AGBL4: variants seen among roughly 807,000 people sequenced by gnomAD.
AGBL4 encodes AGBL carboxypeptidase 4.
A neutral mutation model predicts 66.4 loss-of-function variants in AGBL4; 58 were observed. The ratio of observed to expected loss-of-function variants is 0.87; its 90% CI spans 0.71 to 1.09. The LOEUF (loss-of-function observed/expected upper bound fraction) is 1.09. AGBL4 is among the 50% of genes least tolerant of loss of function. AGBL4 has a pLI of 0.00. For synonymous variants in AGBL4, 234 were observed against 222.9 expected, an observed-to-expected ratio of 1.05 and a Z score of -0.44; for missense variants, 579 against 631.0, an observed-to-expected ratio of 0.92 and a Z score of 0.88.
At chr1:49,547,628 T>C (rs1652599668) in intron 3 of AGBL4, among the ~76,000 whole-genome samples, 1 of 152,218 alleles carries the variant, frequency 6.6e-6, no homozygotes, top group Admixed American at 6.5e-5. Context: ...ATTCTACCCA[T>C]CCTTGAGCAT....
chr1:49,349,583 T>C (rs1353656146), intron 3 of AGBL4, among the ~76,000 whole-genome samples: 2 of 152,326 alleles, frequency 1.3e-5, no homozygotes. Flanking sequence ...TGACACTATG[T>C]ACCTCTTCTT....
At chr1:49,903,357 G>T (rs2148194009) in intron 1 of AGBL4, among the ~76,000 whole-genome samples, 1 of 152,224 alleles carries the variant, frequency 6.6e-6, no homozygotes, top group East Asian at 1.9e-4. Context: ...ACTTGAGGGT[G>T]GAGGGTAGGA....
At chr1:49,723,263 ATAT>A (rs1271118697) in intron 2 of AGBL4, among the ~76,000 whole-genome samples, 3 of 152,122 alleles carry the variant, frequency 2.0e-5, no homozygotes, top group African/African-American at 7.2e-5. Flanking sequence ...TAAGCTCTCT[ATAT>A]TAATTTTGCC....
intron 2 of AGBL4, among the ~76,000 whole-genome samples, chr1:49,784,703 A>G (rs1644411555): frequency 6.6e-6 from 1 of 152,078 alleles, no homozygotes; most frequent in Non-Finnish European, 1.5e-5. Flanking sequence ...AAATGAAAAC[A>G]CAAGCCACAG....
chr1:48,579,908 T>A, intron 11 of AGBL4, among the ~76,000 whole-genome samples: 1 of 110,586 alleles, frequency 9.0e-6, no homozygotes, highest in South Asian at 3.1e-4. Context: ...AAAGTGAGAC[T>A]CCGCCTCAAA....
chr1:48,620,166 T>C lies in AGBL4; in HGVS notation c.951+14327A>G, dbSNP rs1645388512. On this transcript the variant is annotated intron_variant, in intron 9 of 13. Coordinates refer to ENST00000371839, the MANE Select transcript of AGBL4 (RefSeq NM_032785.4). ...GCTGATTGTAACCCAATTAAAGATA[T>C]TAGCACAGCTGTAAAAAGACTTTGC... 2.0e-5 allele frequency among the ~76,000 whole-genome samples: 3 copies of C among 152,160 alleles called. No individual in the cohort carries two copies. The South Asian group carries it at 6.2e-4, about 32-fold the overall frequency.
rs893862356 is a variant in AGBL4 at position 48,564,182 on chromosome 1, A to G, written c.1267+22822T>C. On this transcript the variant is annotated intron_variant, in intron 11 of 13. Coordinates refer to ENST00000371839, the MANE Select transcript of AGBL4 (RefSeq NM_032785.4). ...CATGGTCACTTCTGTAGGTTACTGCAGCAGCCTCTGGTCTCTTCTTGTTGC... is the reference window on the plus strand; with the variant it reads ...CATGGTCACTTCTGTAGGTTACTGCGGCAGCCTCTGGTCTCTTCTTGTTGC... 3.9e-5 allele frequency among the ~76,000 whole-genome samples: 6 copies of G among 152,076 alleles called. 1 individual carries two copies. The highest frequency in any genetic ancestry group is 3.9e-4 in the Admixed American group (6 of 15,268).
At chr1:49,340,139 A>C (rs1385957851) in intron 3 of AGBL4, among the ~76,000 whole-genome samples, 3 of 150,830 alleles carry the variant, frequency 2.0e-5, no homozygotes, top group Non-Finnish European at 4.4e-5. Context: ...CTCTGCTCCC[A>C]TATCTAATTA....
chr1:49,478,348 T>G lies in AGBL4; in HGVS notation c.282+218965A>C, dbSNP rs370762085. 3.4e-4 allele frequency among the ~76,000 whole-genome samples: 52 copies of G among 151,028 alleles called. 1 individual carries two copies. The South Asian group carries it at 9.7e-3, about 28-fold the overall frequency. ...AAGAAGAAGGAGAAGAAAGAAGAAG[T>G]AAAAAAGAAAGAAATAACATATAAG... is the stretch of plus-strand genomic sequence containing the variant. On this transcript the variant is annotated intron_variant, in intron 3 of 13. Transcript: ENST00000371839.
intron 5 of AGBL4, among the ~76,000 whole-genome samples, chr1:49,001,232 T>C (rs1057148049): frequency 1.3e-5 from 2 of 152,236 alleles, no homozygotes; most frequent in African/African-American, 4.8e-5. Flanking sequence ...GGAATTAAAG[T>C]GTTAAAGTTA....
At chr1:48,699,419 T>A (rs952568956) in intron 6 of AGBL4, among the ~76,000 whole-genome samples, 1 of 152,250 alleles carries the variant, frequency 6.6e-6, no homozygotes, top group East Asian at 1.9e-4. Context: ...TCTTTCTCTG[T>A]ACAAGATACT....
In AGBL4 at chr1:49,539,800, G is replaced by C. The variant is rs190733204; in HGVS notation, c.282+157513C>G. On this transcript the variant is annotated intron_variant, in intron 3 of 13. Transcript: ENST00000371839. The stretch of plus-strand genomic sequence containing the variant: ...CCAGAAGAGGAGCCACCTGACCTTA[G>C]CTGGGAAAGATGAGGTGGAACCTGG... 5.7e-3 allele frequency among the ~76,000 whole-genome samples: 874 copies of C among 152,254 alleles called. 6 individuals are homozygous for C. Among genetic ancestry groups the C allele is most frequent in the Non-Finnish European group, 8.7e-3 (589 of 68,012 alleles).
chr1:49,863,724 A>T (rs1438863168), intron 1 of AGBL4, among the ~76,000 whole-genome samples: 1 of 152,176 alleles, frequency 6.6e-6, no homozygotes, highest in Non-Finnish European at 1.5e-5. Flanking sequence ...AATCAACACT[A>T]GAATGTCTTC....
At chr1:50,000,243 T>A (rs927158289) in intron 1 of AGBL4, among the ~76,000 whole-genome samples, 11 of 151,736 alleles carry the variant, frequency 7.2e-5, no homozygotes, top group African/African-American at 2.4e-4. Flanking sequence ...AACAACCCCA[T>A]CAAAAAGTGG....
At chr1:48,796,159 T>C (rs1281828493) in intron 6 of AGBL4, among the ~76,000 whole-genome samples, 1 of 152,228 alleles carries the variant, frequency 6.6e-6, no homozygotes, top group Non-Finnish European at 1.5e-5. Flanking sequence ...TTACTATTTA[T>C]TTTTCAGGTC....
At chr1:48,700,814 A>G (rs1226867622) in intron 6 of AGBL4, among the ~76,000 whole-genome samples, 1 of 152,234 alleles carries the variant, frequency 6.6e-6, no homozygotes, top group African/African-American at 2.4e-5. Context: ...ACAAGGCAGG[A>G]AACTGAGTCT....
At chr1:49,706,907 G>A (rs1254860792) in intron 2 of AGBL4, among the ~76,000 whole-genome samples, 4 of 152,186 alleles carry the variant, frequency 2.6e-5, no homozygotes, top group Non-Finnish European at 5.9e-5. Context: ...TGGTCTGAAA[G>A]ACTGTTTCTT....
At chr1:48,932,270 T>C (rs1655098178) in intron 5 of AGBL4, among the ~76,000 whole-genome samples, 1 of 152,178 alleles carries the variant, frequency 6.6e-6, no homozygotes, top group African/African-American at 2.4e-5. Flanking sequence ...GACCACAGGT[T>C]GAAGAAGGAA....
chr1:49,713,083 T>C (rs1647797299), intron 2 of AGBL4, among the ~76,000 whole-genome samples: 1 of 152,106 alleles, frequency 6.6e-6, no homozygotes, highest in Non-Finnish European at 1.5e-5. Flanking sequence ...TATTTTTTTA[T>C]GTATTCAGGC....
Sources: gnomAD v4.1 joint callset for allele counts (sites outside exome capture counted in the v4.1 genomes callset) on GRCh38, gnomAD v4.1.1 for gene constraint, MANE v1.5 for transcripts, NCBI Gene and HGNC (gene_info 2026-07-23, HGNC 2026-07-21) for gene names.